KIAA0232: variants seen among roughly 807,000 people sequenced by gnomAD.
KIAA0232 encodes uncharacterized protein KIAA0232.
Under a neutral mutation model 122.0 loss-of-function variants are expected in KIAA0232, and 27 were observed. The ratio of observed to expected loss-of-function variants is 0.22; its 90% CI spans 0.16 to 0.31. The LOEUF is 0.31. Ranked by LOEUF, KIAA0232 falls within the 10% of genes least tolerant of loss-of-function variation. KIAA0232 has a pLI of 1.00. For synonymous variants in KIAA0232, 613 were observed against 587.6 expected, an observed-to-expected ratio of 1.04 and a Z score of -0.63; for missense variants, 1,551 against 1,634.2, an observed-to-expected ratio of 0.95 and a Z score of 0.88.
chr4:6,857,084 T>C (rs1481657024), intron 4 of KIAA0232, 80 bp from the exon 5 acceptor site: 12 of 926,748 alleles, frequency 1.3e-5, no homozygotes, highest in Non-Finnish European at 1.7e-5. Context: ...GTAAAACCTG[T>C]GTATTAAAAC....
At chr4:6,835,423 G>A (rs1484906927) in intron 3 of KIAA0232, among the ~76,000 whole-genome samples, 4 of 152,064 alleles carry the variant, frequency 2.6e-5, no homozygotes, top group African/African-American at 4.8e-5. Context: ...ACAAAGCTAC[G>A]ATTTTTCCAA....
chr4:6,879,888 T>TCC lies in KIAA0232; in HGVS notation c.4009-896_4009-895dup, dbSNP rs1231077933. Among the ~76,000 whole-genome samples, 4 of 22,118 alleles carry TCC rather than the reference T, an allele frequency of 1.8e-4. No homozygotes were observed. In the East Asian group the frequency reaches 2.9e-3, roughly 16 times the overall value. 14.5% of individuals were successfully genotyped at this position (22,118 alleles called of 152,430 possible). ...CTTCCCAACACACAGGTCTGCAGTG[T>TCC]CCCCTCACCATCTGTACTGTGTCAC... On this transcript the variant is annotated intron_variant, in intron 9 of 9. Transcript: ENST00000307659.
chr4:6,882,454 G>C lies in KIAA0232; in HGVS notation c.*1488G>C, dbSNP rs1378080326. 6.6e-6 allele frequency: 1 copy of C among 152,064 alleles called. No homozygotes were observed. Among genetic ancestry groups the C allele is most frequent in the African/African-American group, 2.4e-5 (1 of 41,392 alleles). The allele number at this position is 152,064 out of a possible 1,614,324, so 9.4% of individuals were successfully genotyped here. A position where few individuals can be genotyped will look rare whatever the true frequency, so the allele number is the denominator to read the frequency against. On this transcript the variant is annotated 3_prime_UTR_variant, in exon 10 of 10. Transcript: ENST00000307659. ...TTGCTTTGAACATTTGGGTTTTGTTGCCTTTTTCTTAATTGATAACACAGA... is the reference window on the plus strand; with the variant it reads ...TTGCTTTGAACATTTGGGTTTTGTTCCCTTTTTCTTAATTGATAACACAGA...
rs190388529 is a variant in KIAA0232, at chr4:6,869,336, T to C, written c.3802-2238T>C. 2.0e-3 allele frequency among the ~76,000 whole-genome samples: 301 copies of C among 152,374 alleles called. 1 individual carries two copies. The highest frequency in any genetic ancestry group is 7.0e-3 in the African/African-American group (292 of 41,588). ...ACCTGTTAACCTCTAAATCCACTTA[T>C]CTTCAATAGCGCCTTAGGGAGGTGA... On this transcript the variant is annotated intron_variant, in intron 7 of 9. Transcript: ENST00000307659.
intron 4 of KIAA0232, among the ~76,000 whole-genome samples, chr4:6,847,501 G>A (rs576793888): frequency 6.6e-5 from 10 of 152,330 alleles, no homozygotes; most frequent in African/African-American, 2.2e-4. Flanking sequence ...GGCTGTCCCT[G>A]TGTAAAAGTT....
intron 8 of KIAA0232, 71 bp downstream of exon 8, chr4:6,871,753 C>T: frequency 1.1e-6 from 1 of 940,428 alleles, no homozygotes; most frequent in Non-Finnish European, 1.7e-6. Context: ...ATTTCTTTTT[C>T]TATGAATATC....
At chr4:6,833,234 CTTTAA>C (rs1395228527) in intron 3 of KIAA0232, among the ~76,000 whole-genome samples, 1 of 152,220 alleles carries the variant, frequency 6.6e-6, no homozygotes, top group East Asian at 1.9e-4. Flanking sequence ...ATTCAACAGA[CTTTAA>C]TTAAATAACC....
rs769325680 is a variant in KIAA0232 at position 6,880,861 on chromosome 4, G to T, written c.4083G>T (p.Lys1361Asn). 2 of 1,608,008 alleles carry T rather than the reference G, an allele frequency of 1.2e-6. No individual in the cohort carries two copies. Among genetic ancestry groups the T allele is most frequent in the Non-Finnish European group, 1.7e-6 (2 of 1,176,960 alleles). ...CAAAGTCAGATGGCTTCCGCGGAAA[G>T]ATGTGCTCCAGCGCCAGCTCCACCT... ...SGAKSDGFRGKMCSSASSTSE... is the reference protein window; with the variant it reads ...SGAKSDGFRGNMCSSASSTSE... Residue 1361 changes from lysine to asparagine, a missense_variant, in exon 10 of 10, where the codon AAG (lysine) becomes AAT (asparagine). Physicochemically the swap from Lys to Asn is moderately conservative, Grantham distance 94. Transcript: ENST00000307659.
At chr4:6,826,663 C>A (rs1003747157) in intron 3 of KIAA0232, among the ~76,000 whole-genome samples, 22 of 152,018 alleles carry the variant, frequency 1.4e-4, no homozygotes, top group Admixed American at 3.9e-4. Flanking sequence ...TGGCACCCCA[C>A]CCAGCTAATT....
chr4:6,797,491 C>T (rs865900628), intron 1 of KIAA0232, among the ~76,000 whole-genome samples: 3 of 152,112 alleles, frequency 2.0e-5, no homozygotes, highest in South Asian at 2.1e-4. Context: ...TAAAGAGGGC[C>T]GGGTGTGGTG....
At chr4:6,845,515 C>T (rs1161337395) in intron 4 of KIAA0232, among the ~76,000 whole-genome samples, 2 of 151,960 alleles carry the variant, frequency 1.3e-5, no homozygotes, top group African/African-American at 2.4e-5. Context: ...TTCTTTATGA[C>T]ACCTAAAGGG....
In KIAA0232 at chr4:6,864,048, T is replaced by A; in HGVS notation, c.3666T>A (p.Asp1222Glu). The A allele has an allele frequency of 6.2e-7, 1 of 1,614,162 alleles. No homozygotes were observed. Among genetic ancestry groups the A allele is most frequent in the Non-Finnish European group, 8.5e-7 (1 of 1,180,014 alleles). ...ECSMNESLEI[D>E]LESSEANCKI... is the part of the protein sequence containing the mutation. ...GCATGAATGAATCCCTGGAAATAGA[T>A]TTAGAAAGCTCAGAAGCAAATTGTA... Residue 1222 changes from aspartate to glutamate, a missense_variant, in exon 7 of 10, where the codon GAT (aspartate) becomes GAA (glutamate). This residue lies in a region of KIAA0232 where 1,108 missense variants were observed against 1,154.8 expected (regional missense o/e 0.96). Coordinates refer to ENST00000307659, the MANE Select transcript of KIAA0232 (RefSeq NM_014743.3).
chr4:6,819,459 A>G (rs142959329), intron 2 of KIAA0232, among the ~76,000 whole-genome samples: 83 of 152,252 alleles, frequency 5.5e-4, no homozygotes, highest in Middle Eastern at 3.4e-3. Flanking sequence ...TGAACAGACA[A>G]TTTTCAAAAG....
chr4:6,831,124 C>T (rs146519380), intron 3 of KIAA0232, among the ~76,000 whole-genome samples: 6,578 of 152,076 alleles, frequency 0.043, 456 homozygotes, highest in African/African-American at 0.15. Context: ...GGTGCGACCT[C>T]GGCTCACTGC....
In KIAA0232 at chr4:6,883,306, G is replaced by A. The variant is rs927921004; in HGVS notation, c.*2340G>A. 1 of 152,572 alleles carries A rather than the reference G, an allele frequency of 6.6e-6. No individual in the cohort carries two copies. Among genetic ancestry groups the A allele is most frequent in the Admixed American group, 6.5e-5 (1 of 15,276 alleles). 9.5% of individuals were successfully genotyped at this position (152,572 alleles called of 1,614,324 possible). A position where few individuals can be genotyped will look rare whatever the true frequency, so the allele number is the denominator to read the frequency against. ...TTGTTCTGATTTCACGTACACCAGA[G>A]TAACTGATTTTTTTTTGTTTGTTTT... On this transcript the variant is annotated 3_prime_UTR_variant, in exon 10 of 10. Coordinates refer to ENST00000307659, the MANE Select transcript of KIAA0232 (RefSeq NM_014743.3).
At chr4:6,843,039 G>T (rs1180040426) in intron 4 of KIAA0232, among the ~76,000 whole-genome samples, 1 of 151,830 alleles carries the variant, frequency 6.6e-6, no homozygotes, top group African/African-American at 2.4e-5. Flanking sequence ...TATATTTTTT[G>T]TTTTTAGAAA....
intron 1 of KIAA0232, among the ~76,000 whole-genome samples, chr4:6,783,285 C>T (rs2108836087): frequency 6.6e-6 from 1 of 152,340 alleles, no homozygotes; most frequent in South Asian, 2.1e-4. Flanking sequence ...CCCCAGGACG[C>T]CGGGACACCA....
In KIAA0232 at chr4:6,836,115, T is replaced by A. The variant is rs569556253; in HGVS notation, c.232-5952T>A. ...GTAGAAGCGTTCCTATCTCTCCACA[T>A]CTTCTCCAGCATCTGTTGTTTCCTG... On this transcript the variant is annotated intron_variant, in intron 3 of 9. Coordinates refer to ENST00000307659, the MANE Select transcript of KIAA0232 (RefSeq NM_014743.3). 2.0e-5 allele frequency among the ~76,000 whole-genome samples: 3 copies of A among 152,310 alleles called. No individual in the cohort carries two copies. The South Asian group carries it at 6.2e-4, about 32-fold the overall frequency.
chr4:6,865,529 A>G (rs776218052), intron 7 of KIAA0232, among the ~76,000 whole-genome samples: 5 of 152,180 alleles, frequency 3.3e-5, no homozygotes, highest in Non-Finnish European at 5.9e-5. Context: ...TTGAACTCCT[A>G]ACTTCAAGTG....
Sources: allele counts gnomAD v4.1 joint callset (sites outside exome capture counted in the v4.1 genomes callset), GRCh38; gene constraint gnomAD v4.1.1; regional missense constraint gnomAD v4.1.1; transcripts MANE v1.5; gene names NCBI Gene and HGNC (gene_info 2026-07-23, HGNC 2026-07-21).